TMEM217: variants seen among roughly 807,000 people sequenced by gnomAD.
The protein encoded by TMEM217 is chromosome 6 open reading frame 128.
For synonymous variants in TMEM217, 76 were observed against 88.3 expected, an observed-to-expected ratio of 0.86 and a Z score of 0.78; for missense variants, 204 against 248.8, an observed-to-expected ratio of 0.82 and a Z score of 1.21.
chr6:37,219,871 T>C (rs569148447), intron 1 of TMEM217, among the ~76,000 whole-genome samples: 5 of 152,322 alleles, frequency 3.3e-5, no homozygotes, highest in Admixed American at 1.3e-4. Flanking sequence ...ACAAGAACCC[T>C]GTTGGGTGGA....
chr6:37,218,169 C>CTTTTTT, exon 2 of TMEM217: 1 of 1,014,158 alleles, frequency 9.9e-7, no homozygotes, highest in Non-Finnish European at 1.2e-6. Context: ...AAGCTGCTAA[C>CTTTTTT]TTTTTTTTTT....
At chr6:37,250,059 C>T (rs1765314617) in intron 1 of TMEM217, among the ~76,000 whole-genome samples, 1 of 152,162 alleles carries the variant, frequency 6.6e-6, no homozygotes, top group African/African-American at 2.4e-5. Context: ...TGGACTATTA[C>T]AACAGTGAAA....
chr6:37,256,810 G>A (rs1765769894), intron 1 of TMEM217, among the ~76,000 whole-genome samples: 1 of 152,090 alleles, frequency 6.6e-6, no homozygotes, highest in Non-Finnish European at 1.5e-5. Flanking sequence ...AAACCACTCT[G>A]GACTGGTGCC....
intron 1 of TMEM217, among the ~76,000 whole-genome samples, chr6:37,236,868 C>A (rs1207018655): frequency 6.6e-6 from 1 of 152,140 alleles, no homozygotes; most frequent in African/African-American, 2.4e-5. Context: ...GTAGCCTCTC[C>A]TAGAAGACTC....
chr6:37,243,929 GAGTCA>G (rs1764929480), intron 1 of TMEM217, among the ~76,000 whole-genome samples: 1 of 152,166 alleles, frequency 6.6e-6, no homozygotes, highest in African/African-American at 2.4e-5. Context: ...AGCCCACATG[GAGTCA>G]GCCAGTCCTC....
chr6:37,253,799 C>T (rs1305539031), intron 1 of TMEM217, among the ~76,000 whole-genome samples: 1 of 152,134 alleles, frequency 6.6e-6, no homozygotes, highest in African/African-American at 2.4e-5. Context: ...AAGTGACTTT[C>T]CTCCTATAGT....
In TMEM217 at chr6:37,238,220, T is replaced by C. The variant is rs547497558; in HGVS notation, c.-11-19179A>G. ...TTACCTCACAAAATTGCTGTGAAGA[T>C]TAAATGAGTTAACATATTTAAAACA... On this transcript the variant is annotated intron_variant, in intron 1 of 1. Coordinates refer to ENST00000357219, the Ensembl canonical transcript of TMEM217. Among the ~76,000 whole-genome samples, 56 of 150,796 alleles carry C rather than the reference T, an allele frequency of 3.7e-4. 1 individual carries two copies. The East Asian group carries it at 0.011, about 29-fold the overall frequency.
intron 1 of TMEM217, among the ~76,000 whole-genome samples, chr6:37,224,614 C>CG (rs984499576): frequency 2.0e-5 from 1 of 48,876 alleles, no homozygotes; most frequent in Non-Finnish European, 5.3e-5. Flanking sequence ...AACAAACAAA[C>CG]GAAAAAAAAA....
chr6:37,249,247 T>C (rs556130486), intron 1 of TMEM217, among the ~76,000 whole-genome samples: 1 of 152,246 alleles, frequency 6.6e-6, no homozygotes, highest in Non-Finnish European at 1.5e-5. Context: ...GATTTTGAAT[T>C]TGTGCCATGC....
chr6:37,232,513 C>T (rs1272714821), intron 1 of TMEM217, among the ~76,000 whole-genome samples: 1 of 152,062 alleles, frequency 6.6e-6, no homozygotes, highest in Non-Finnish European at 1.5e-5. Flanking sequence ...AGCCTCCTGA[C>T]AATAGTTTTA....
chr6:37,217,788 GTTAAA>G (rs533023883), exon 2 of TMEM217: 9 of 985,272 alleles, frequency 9.1e-6, no homozygotes, highest in Admixed American at 6.2e-5. Flanking sequence ...TTATCCCAGG[GTTAAA>G]TTAAAGAGTT....
At chr6:37,254,871 G>C (rs1765628991) in intron 1 of TMEM217, among the ~76,000 whole-genome samples, 1 of 152,096 alleles carries the variant, frequency 6.6e-6, no homozygotes, top group Non-Finnish European at 1.5e-5. Context: ...TTTTGGGGGA[G>C]GGGGGTTAAA....
chr6:37,243,288 G>A (rs1248811946), intron 1 of TMEM217, among the ~76,000 whole-genome samples: 2 of 152,154 alleles, frequency 1.3e-5, no homozygotes, highest in Admixed American at 6.6e-5. Flanking sequence ...CCAGAATAAG[G>A]TTTACGTTTT....
intron 1 of TMEM217, among the ~76,000 whole-genome samples, chr6:37,229,266 C>T (rs887196932): frequency 6.6e-6 from 1 of 150,800 alleles, no homozygotes; most frequent in Non-Finnish European, 1.5e-5. Flanking sequence ...AGAGTAAGCC[C>T]TTGTCCTGTG....
At chr6:37,247,999 A>C (rs2113912699) in intron 1 of TMEM217, among the ~76,000 whole-genome samples, 1 of 152,104 alleles carries the variant, frequency 6.6e-6, no homozygotes, top group African/African-American at 2.4e-5. Context: ...CTCATATGTA[A>C]TTTCTCCTTG....
At chr6:37,235,511 AC>A in intron 1 of TMEM217, among the ~76,000 whole-genome samples, 1 of 152,062 alleles carries the variant, frequency 6.6e-6, no homozygotes, top group Non-Finnish European at 1.5e-5. Context: ...GACTACAGGC[AC>A]CCGCCACCAC....
chr6:37,243,272 G>C (rs978820035), intron 1 of TMEM217, among the ~76,000 whole-genome samples: 1 of 152,264 alleles, frequency 6.6e-6, no homozygotes, highest in South Asian at 2.1e-4. Context: ...TTATAAATTC[G>C]GTTGGCCAGA....
At chr6:37,232,951 C>T (rs1251177354) in intron 1 of TMEM217, among the ~76,000 whole-genome samples, 2 of 152,210 alleles carry the variant, frequency 1.3e-5, no homozygotes, top group Non-Finnish European at 2.9e-5. Flanking sequence ...AGACTGTTCT[C>T]ACTTTATACT....
chr6:37,220,953 T>C (rs1224127923), intron 1 of TMEM217, among the ~76,000 whole-genome samples: 2 of 152,210 alleles, frequency 1.3e-5, no homozygotes, highest in East Asian at 1.9e-4. Flanking sequence ...ATATATAATA[T>C]ATATACAAGA....
Sources: gnomAD v4.1 joint callset for allele counts (sites outside exome capture counted in the v4.1 genomes callset) on GRCh38, gnomAD v4.1.1 for gene constraint, MANE v1.5 for transcripts, NCBI Gene and HGNC (gene_info 2026-07-23, HGNC 2026-07-21) for gene names.